The following DLG2 variants were observed in gnomAD, a reference collection of about 807,000 sequenced individuals.
DLG2 encodes disks large homolog 2.
DLG2 carries 45 observed loss-of-function variants against 132.5 expected under a neutral mutation model. That is an observed-to-expected ratio of 0.34 (90% CI 0.27 to 0.44). The LOEUF (loss-of-function observed/expected upper bound fraction) is 0.44, where lower values mean the gene tolerates loss of function less well. DLG2 is among the 20% of genes least tolerant of loss of function. The probability of loss-of-function intolerance (pLI) is 1.00; values close to 1 mark genes in which losing one functional copy is unlikely to be tolerated. For synonymous variants in DLG2, 424 were observed against 419.6 expected (o/e 1.01, Z -0.13); for missense variants, 1,045 against 1,196.9 (o/e 0.87, Z 1.87).
intron 6 of DLG2, among the ~76,000 whole-genome samples, chr11:85,068,886 A>G (rs2065341691): frequency 6.6e-6 from 1 of 152,156 alleles, no homozygotes; most frequent in Admixed American, 6.5e-5. Context: ...GCATCACTCT[A>G]CCTGACTTCA....
At chr11:84,840,815 G>T (rs750591965) in intron 6 of DLG2, among the ~76,000 whole-genome samples, 1 of 151,954 alleles carries the variant, frequency 6.6e-6, no homozygotes, top group Non-Finnish European at 1.5e-5. Flanking sequence ...CACAGGTCGG[G>T]GACATCACAC....
At chr11:84,161,911 T>C (rs1399511559) in intron 9 of DLG2, among the ~76,000 whole-genome samples, 1 of 152,168 alleles carries the variant, frequency 6.6e-6, no homozygotes, top group African/African-American at 2.4e-5. Context: ...AGCATACCAT[T>C]AAAATTTTAT....
At chr11:84,194,941 C>T (rs1302806107) in intron 8 of DLG2, among the ~76,000 whole-genome samples, 1 of 152,180 alleles carries the variant, frequency 6.6e-6, no homozygotes, top group Non-Finnish European at 1.5e-5. Flanking sequence ...TGGCCGCGTG[C>T]AGCCTCGGTT....
At chr11:85,625,536 T>C (rs2081985815) in intron 2 of DLG2, among the ~76,000 whole-genome samples, 1 of 152,190 alleles carries the variant, frequency 6.6e-6, no homozygotes, top group Admixed American at 6.5e-5. Flanking sequence ...TCTACAAATA[T>C]CAGCTTGGAT....
intron 9 of DLG2, 29 bp from the exon 10 acceptor site, chr11:84,099,076 G>C (rs1336761979): frequency 1.2e-6 from 2 of 1,605,018 alleles, no homozygotes; most frequent in South Asian, 1.1e-5. Context: ...GATATTAAAT[G>C]ATGTGTCTGT....
At chr11:84,923,017 A>T in intron 6 of DLG2, 4 of 1,605,634 alleles carry the variant, frequency 2.5e-6, no homozygotes, top group African/African-American at 2.7e-5. Flanking sequence ...CAAGGTAGAC[A>T]TTTTCTGCAG....
At chr11:85,419,867 G>A (rs2090154933) in intron 3 of DLG2, among the ~76,000 whole-genome samples, 1 of 152,118 alleles carries the variant, frequency 6.6e-6, no homozygotes, top group South Asian at 2.1e-4. Context: ...TCCTTGCATT[G>A]GGTTAGAACA....
chr11:84,799,653 G>C (rs2075122737), intron 6 of DLG2, among the ~76,000 whole-genome samples: 1 of 152,122 alleles, frequency 6.6e-6, no homozygotes, highest in African/African-American at 2.4e-5. Flanking sequence ...ACGTCTAGAG[G>C]AAAGATAATT....
At chr11:85,237,088 G>C (rs1262225230) in intron 4 of DLG2, among the ~76,000 whole-genome samples, 2 of 152,040 alleles carry the variant, frequency 1.3e-5, no homozygotes. Context: ...AAATGACACT[G>C]CCCAGCCAGC....
intron 18 of DLG2, among the ~76,000 whole-genome samples, chr11:83,721,447 A>C (rs2088528002): frequency 6.6e-6 from 1 of 152,188 alleles, no homozygotes; most frequent in Non-Finnish European, 1.5e-5. Flanking sequence ...AAATTTCTAC[A>C]CAATAACACA....
intron 6 of DLG2, among the ~76,000 whole-genome samples, chr11:84,559,124 T>A (rs1046035442): frequency 1.3e-4 from 20 of 152,194 alleles, no homozygotes; most frequent in Admixed American, 5.2e-4. Context: ...TAAATAGATA[T>A]TGTATGAAGG....
intron 11 of DLG2, among the ~76,000 whole-genome samples, chr11:84,026,455 T>C (rs2154083372): frequency 6.6e-6 from 1 of 152,204 alleles, no homozygotes; most frequent in Non-Finnish European, 1.5e-5. Flanking sequence ...AGGACTTGCA[T>C]AGTTTATTAT....
chr11:85,152,944 A>C (rs2077353208), intron 5 of DLG2, among the ~76,000 whole-genome samples: 1 of 152,222 alleles, frequency 6.6e-6, no homozygotes, highest in South Asian at 2.1e-4. Context: ...GAGTCTAGCC[A>C]AAGTATCAAA....
chr11:85,027,533 C>T (rs987408814), intron 6 of DLG2, among the ~76,000 whole-genome samples: 1 of 152,208 alleles, frequency 6.6e-6, no homozygotes, highest in Non-Finnish European at 1.5e-5. Context: ...CGATCTCACA[C>T]CTGCCAAGGG....
intron 7 of DLG2, chr11:84,317,455 G>T: frequency 1.1e-6 from 1 of 922,792 alleles, no homozygotes; most frequent in Non-Finnish European, 1.4e-6. Flanking sequence ...ACTGTACACT[G>T]TGTTACAAAC....
At chr11:84,580,156 A>C (rs1402056505) in intron 6 of DLG2, among the ~76,000 whole-genome samples, 1 of 152,252 alleles carries the variant, frequency 6.6e-6, no homozygotes, top group East Asian at 1.9e-4. Context: ...GTAATCGATT[A>C]AAGTGTGTAT....
At chr11:83,690,876 T>C (rs1426036063) in intron 18 of DLG2, among the ~76,000 whole-genome samples, 2 of 152,200 alleles carry the variant, frequency 1.3e-5, no homozygotes, top group African/African-American at 2.4e-5. Context: ...CCACAAATAG[T>C]TTTACTGAAT....
intron 7 of DLG2, among the ~76,000 whole-genome samples, chr11:84,340,861 T>C (rs914857626): frequency 1.3e-5 from 2 of 152,102 alleles, no homozygotes; most frequent in African/African-American, 2.4e-5. Context: ...TAGAAAGCAT[T>C]ATGGCTCCAT....
At chr11:84,705,204 A>G (rs1227184415) in intron 6 of DLG2, among the ~76,000 whole-genome samples, 1 of 151,722 alleles carries the variant, frequency 6.6e-6, no homozygotes, top group African/African-American at 2.4e-5. Flanking sequence ...ATTCTAACGT[A>G]GTTGGGATGG....
Sources: allele counts gnomAD v4.1 joint callset (sites outside exome capture counted in the v4.1 genomes callset), GRCh38; gene constraint gnomAD v4.1.1; transcripts MANE v1.5; gene names NCBI Gene and HGNC (gene_info 2026-07-23, HGNC 2026-07-21).